DACH1: variants seen among roughly 807,000 people sequenced by gnomAD.
DACH1 encodes the protein dachshund family transcription factor 1, also known as dachshund homolog 1.
A neutral mutation model predicts 54.2 loss-of-function variants in DACH1; 12 were observed. That is an observed-to-expected ratio of 0.22 (90% confidence interval 0.14 to 0.36). The LOEUF is 0.36. DACH1 is among the 10% of genes least tolerant of loss of function. The probability of loss-of-function intolerance (pLI) is 1.00; values close to 1 mark genes in which losing one functional copy is unlikely to be tolerated. For missense variants in DACH1, 805 were observed against 929.8 expected, an observed-to-expected ratio of 0.87 and a Z score of 1.75; for synonymous variants, 386 against 366.2, an observed-to-expected ratio of 1.05 and a Z score of -0.62.
rs1882461590 is a variant in DACH1, at chr13:71,706,604, A to G, written c.849-24694T>C. On this transcript the variant is annotated intron_variant, in intron 1 of 10. Coordinates refer to ENST00000613252, the MANE Select transcript of DACH1 (RefSeq NM_080759.6). ...ATTGATTTCTTCACGAATATGAACT[A>G]TCATGTTTTCTTGATAATTTCACTC... 3.9e-5 allele frequency among the ~76,000 whole-genome samples: 6 copies of G among 152,282 alleles called. 1 individual carries two copies. In the South Asian group the frequency reaches 1.2e-3, roughly 32 times the overall value.
Position 71,600,941 on chromosome 13 carries a change from A to AT in DACH1, c.1127-27930dup, listed in dbSNP as rs201658642. On this transcript the variant is annotated intron_variant, in intron 3 of 10. Transcript: ENST00000613252. ...TTGTTGGTTCGGTGTAACTCCAGTT[A>AT]TTTTTTTTTTTAATCTCTCCAGAAG... Among the ~76,000 whole-genome samples the AT allele has an allele frequency of 2.7e-3, 398 of 146,862 alleles. 2 individuals are homozygous for AT. Among genetic ancestry groups the AT allele is most frequent in the Admixed American group, 6.6e-3 (96 of 14,642 alleles).
At chr13:71,532,004 G>C (rs1386129787) in intron 6 of DACH1, among the ~76,000 whole-genome samples, 3 of 151,702 alleles carry the variant, frequency 2.0e-5, no homozygotes, top group Non-Finnish European at 4.4e-5. Context: ...TGCATATTAG[G>C]CATTCAATAA....
intron 6 of DACH1, among the ~76,000 whole-genome samples, chr13:71,552,792 A>AATATATAT (rs1160125775): frequency 5.7e-5 from 1 of 17,668 alleles, no homozygotes; most frequent in Non-Finnish European, 9.5e-5. Flanking sequence ...TATGGATGTG[A>AATATATAT]ATATATATAT....
At chr13:71,584,620 TTG>T (rs1873098084) in intron 3 of DACH1, among the ~76,000 whole-genome samples, 2 of 152,208 alleles carry the variant, frequency 1.3e-5, no homozygotes, top group Admixed American at 1.3e-4. Context: ...ACTGAACTGT[TTG>T]AACTATTGAA....
intron 2 of DACH1, among the ~76,000 whole-genome samples, chr13:71,676,408 G>A (rs1310818595): frequency 6.6e-6 from 1 of 152,042 alleles, no homozygotes; most frequent in African/African-American, 2.4e-5. Flanking sequence ...AGTAGAGATG[G>A]GGTTTCACCA....
At chr13:71,629,953 G>C (rs1012824218) in intron 3 of DACH1, among the ~76,000 whole-genome samples, 12 of 152,078 alleles carry the variant, frequency 7.9e-5, no homozygotes, top group African/African-American at 2.9e-4. Flanking sequence ...AGGTAAAACT[G>C]TCCCTTTTGG....
chr13:71,859,192 A>G (rs999704857), intron 1 of DACH1, among the ~76,000 whole-genome samples: 1 of 151,812 alleles, frequency 6.6e-6, no homozygotes, highest in African/African-American at 2.4e-5. Flanking sequence ...GCCAATTTGG[A>G]TCAGAAAGCA....
chr13:71,778,083 C>A (rs956640941), intron 1 of DACH1, among the ~76,000 whole-genome samples: 2 of 147,638 alleles, frequency 1.4e-5, no homozygotes, highest in East Asian at 2.0e-4. Context: ...CAGAGTGAGA[C>A]CCTGTCTACA....
intron 6 of DACH1, among the ~76,000 whole-genome samples, chr13:71,540,261 G>A: frequency 6.6e-6 from 1 of 151,966 alleles, no homozygotes. Flanking sequence ...CCTAAGCAGA[G>A]GCAAAGTCTG....
chr13:71,483,533 AT>A (rs1447762998), intron 7 of DACH1, among the ~76,000 whole-genome samples: 3 of 147,258 alleles, frequency 2.0e-5, no homozygotes, highest in African/African-American at 4.9e-5. Context: ...AATTACAATA[AT>A]TTTTATAATT....
At chr13:71,728,667 CA>C (rs1883595220) in intron 1 of DACH1, among the ~76,000 whole-genome samples, 1 of 151,964 alleles carries the variant, frequency 6.6e-6, no homozygotes, top group Admixed American at 6.6e-5. Context: ...CAGATAAGCT[CA>C]TGCTTTTTAT....
Position 71,438,218 on chromosome 13 carries a change from T to C in DACH1, c.*2437A>G, listed in dbSNP as rs1034894732. On this transcript the variant is annotated 3_prime_UTR_variant, in exon 11 of 11. Transcript: ENST00000613252. Reference sequence around the variant, plus strand: ...AAAAATAGACAATTTTCATAGGTCCTACATGAAGATGAGTATGTTCTGTTC... The same window carrying C: ...AAAAATAGACAATTTTCATAGGTCCCACATGAAGATGAGTATGTTCTGTTC... 1.3e-5 allele frequency: 2 copies of C among 152,368 alleles called. No individual in the cohort carries two copies. The highest frequency in any genetic ancestry group is 2.9e-5 in the Non-Finnish European group (2 of 67,838). 9.4% of individuals were successfully genotyped at this position (152,368 alleles called of 1,614,324 possible).
intron 6 of DACH1, among the ~76,000 whole-genome samples, chr13:71,530,270 C>T (rs1409951704): frequency 6.6e-6 from 1 of 152,114 alleles, no homozygotes; most frequent in Non-Finnish European, 1.5e-5. Context: ...TATATCAATT[C>T]AGAGGTCACA....
intron 10 of DACH1, among the ~76,000 whole-genome samples, chr13:71,442,419 AT>A (rs1448422346): frequency 6.6e-6 from 1 of 151,942 alleles, no homozygotes; most frequent in East Asian, 1.9e-4. Context: ...TGTGTACACC[AT>A]TTTCTTCATT....
At chr13:71,846,250 GA>G in intron 1 of DACH1, 1 of 251,556 alleles carries the variant, frequency 4.0e-6, no homozygotes, top group Non-Finnish European at 8.3e-6. Context: ...GCCAAATTCC[GA>G]AGCAATCTTC....
chr13:71,479,459 T>A, intron 7 of DACH1, 143 bp from the exon 8 acceptor site: 1 of 661,078 alleles, frequency 1.5e-6, no homozygotes, highest in Non-Finnish European at 2.4e-6. Context: ...CTAGAACAAA[T>A]ACTATAACTA....
rs557584154 is a variant in DACH1, at chr13:71,738,031, G to A, written c.849-56121C>T. Among the ~76,000 whole-genome samples the A allele has an allele frequency of 4.6e-5, 7 of 152,300 alleles. No individual in the cohort carries two copies. The East Asian group carries it at 1.4e-3, about 29-fold the overall frequency. ...TTCAGTAATGGGACAAATACTAGTAGTTCCGAGGAGAAAAACGGACATATA... is the reference window on the plus strand; with the variant it reads ...TTCAGTAATGGGACAAATACTAGTAATTCCGAGGAGAAAAACGGACATATA... On this transcript the variant is annotated intron_variant, in intron 1 of 10. Transcript: ENST00000613252.
rs1200346517 is a variant in DACH1 at position 71,866,476 on chromosome 13, GCCGCCGCCA to G, written c.285_293del (p.Gly99_Gly101del). 6.3e-6 allele frequency: 8 copies of G among 1,268,662 alleles called. No individual in the cohort carries two copies. Among genetic ancestry groups the G allele is most frequent in the Admixed American group, 3.5e-5 (1 of 28,726 alleles). The allele number at this position is 1,268,662 out of a possible 1,614,324, so 78.6% of individuals were successfully genotyped here. On this transcript the variant is annotated inframe_deletion, in exon 1 of 11. Transcript: ENST00000613252. ...TGGGGTTGCAGTTGCTGCCACCGCCGCCGCCGCCACCGCCGCCTCCGTTGCCGCTGCTGC... is the reference window on the plus strand; with the variant it reads ...TGGGGTTGCAGTTGCTGCCACCGCCGCCGCCGCCTCCGTTGCCGCTGCTGC...
At chr13:71,565,317 T>C (rs1593904361) in intron 4 of DACH1, among the ~76,000 whole-genome samples, 1 of 152,254 alleles carries the variant, frequency 6.6e-6, no homozygotes, top group Middle Eastern at 3.4e-3. Flanking sequence ...AATACATTAG[T>C]TCAATGAGTA....
Sources: gnomAD v4.1 joint callset for allele counts (sites outside exome capture counted in the v4.1 genomes callset) on GRCh38, gnomAD v4.1.1 for gene constraint, MANE v1.5 for transcripts, NCBI Gene and HGNC (gene_info 2026-07-23, HGNC 2026-07-21) for gene names.